BMPER: variants seen among roughly 807,000 people sequenced by gnomAD.
BMPER encodes the protein BMP-binding endothelial regulator protein.
In BMPER, 45 loss-of-function variants were observed where a neutral mutation model predicts 87.3. That is an observed-to-expected ratio of 0.52 (90% CI 0.41 to 0.66). The LOEUF (loss-of-function observed/expected upper bound fraction) is 0.66, where lower values mean the gene tolerates loss of function less well. Among genes scored for constraint, BMPER ranks in the 30% least tolerant of loss-of-function variants. BMPER has a pLI of 0.00. For synonymous variants in BMPER, 326 were observed against 316.2 expected (o/e 1.03, Z -0.33); for missense variants, 784 against 867.5 (o/e 0.90, Z 1.21).
At chr7:34,077,193 G>A (rs553950764) in intron 11 of BMPER, among the ~76,000 whole-genome samples, 16 of 152,258 alleles carry the variant, frequency 1.1e-4, no homozygotes, top group African/African-American at 3.9e-4. Flanking sequence ...AATGTTGGGG[G>A]AAATGTGGGA....
intron 13 of BMPER, among the ~76,000 whole-genome samples, chr7:34,102,242 T>G: frequency 6.6e-6 from 1 of 152,136 alleles, no homozygotes; most frequent in Non-Finnish European, 1.5e-5. Context: ...TCGGAGAAAT[T>G]AGACAACAGA....
At chr7:34,025,644 T>C (rs1021441763) in intron 6 of BMPER, among the ~76,000 whole-genome samples, 1 of 152,002 alleles carries the variant, frequency 6.6e-6, no homozygotes, top group Non-Finnish European at 1.5e-5. Flanking sequence ...AAGGAGTGAC[T>C]GAGGCAGAAA....
chr7:33,956,646 C>T (rs752897940), intron 3 of BMPER, among the ~76,000 whole-genome samples: 14 of 152,126 alleles, frequency 9.2e-5, no homozygotes, highest in Non-Finnish European at 1.6e-4. Flanking sequence ...CCTCCACCTA[C>T]GTTAATGTGA....
intron 7 of BMPER, among the ~76,000 whole-genome samples, chr7:34,049,667 C>A (rs1314995771): frequency 6.6e-6 from 1 of 152,016 alleles, no homozygotes; most frequent in Non-Finnish European, 1.5e-5. Flanking sequence ...TTATCTTCTG[C>A]CTTTTGCCAA....
intron 2 of BMPER, among the ~76,000 whole-genome samples, chr7:33,910,461 A>G (rs1783930396): frequency 6.6e-6 from 1 of 152,346 alleles, no homozygotes; most frequent in South Asian, 2.1e-4. Context: ...TGATCTTCTC[A>G]GCCTTTTCCA....
intron 3 of BMPER, among the ~76,000 whole-genome samples, chr7:33,953,659 TA>T (rs753524279): frequency 4.5e-4 from 68 of 152,304 alleles, no homozygotes; most frequent in Non-Finnish European, 8.7e-4. Context: ...ACATAAAATT[TA>T]CCATTTTGAT....
intron 13 of BMPER, among the ~76,000 whole-genome samples, chr7:34,129,832 C>G (rs1299701280): frequency 6.6e-6 from 1 of 152,282 alleles, no homozygotes; most frequent in East Asian, 1.9e-4. Context: ...CCTGGAAACA[C>G]TATTTGCAAA....
At chr7:34,140,850 C>G (rs1256949461) in intron 13 of BMPER, among the ~76,000 whole-genome samples, 1 of 152,190 alleles carries the variant, frequency 6.6e-6, no homozygotes, top group Non-Finnish European at 1.5e-5. Flanking sequence ...CACATTTCCT[C>G]ACACTGAGAC....
intron 13 of BMPER, among the ~76,000 whole-genome samples, chr7:34,106,638 C>T (rs906681792): frequency 1.3e-5 from 2 of 152,210 alleles, no homozygotes; most frequent in African/African-American, 4.8e-5. Context: ...CTGGTGAGTG[C>T]CACACGCAGG....
At chr7:34,020,899 C>T (rs1206837720) in intron 6 of BMPER, among the ~76,000 whole-genome samples, 1 of 151,730 alleles carries the variant, frequency 6.6e-6, no homozygotes, top group Non-Finnish European at 1.5e-5. Flanking sequence ...CACGCACGCA[C>T]ACACACATAT....
intron 14 of BMPER, among the ~76,000 whole-genome samples, chr7:34,147,771 T>G (rs960258338): frequency 1.3e-5 from 2 of 152,198 alleles, no homozygotes; most frequent in Admixed American, 1.3e-4. Context: ...CACCTGGCCA[T>G]GTTGTTTTTT....
At chr7:33,912,511 C>G (rs1399073716) in intron 2 of BMPER, among the ~76,000 whole-genome samples, 1 of 152,072 alleles carries the variant, frequency 6.6e-6, no homozygotes, top group East Asian at 1.9e-4. Context: ...GAAAGAGAGC[C>G]CTTCCCCAGA....
intron 13 of BMPER, among the ~76,000 whole-genome samples, chr7:34,087,498 T>G (rs1789246774): frequency 6.6e-6 from 1 of 152,210 alleles, no homozygotes. Flanking sequence ...ACCTAAGCTC[T>G]CTAAACCTCA....
rs760070803 is a variant in BMPER at position 33,905,564 on chromosome 7, G to A, written c.-50G>A. ...GACTGTGAGCTGCGGCAGCTGAGCA[G>A]AGGCGGCGGCGCGGGACCTGCAGTC... On this transcript the variant is annotated 5_prime_UTR_variant, in exon 1 of 15. Transcript: ENST00000649409. 1 of 1,603,052 alleles carries A rather than the reference G, an allele frequency of 6.2e-7. No individual in the cohort carries two copies. The highest frequency in any genetic ancestry group is 1.3e-5 in the African/African-American group (1 of 74,632).
chr7:34,062,577 G>T (rs34609650), intron 11 of BMPER, among the ~76,000 whole-genome samples: 2 of 151,584 alleles, frequency 1.3e-5, no homozygotes, highest in Non-Finnish European at 2.9e-5. Context: ...TATAGTCATG[G>T]GTCACTTAAC....
At chr7:34,083,371 G>C (rs887916490) in intron 12 of BMPER, among the ~76,000 whole-genome samples, 1 of 152,136 alleles carries the variant, frequency 6.6e-6, no homozygotes, top group South Asian at 2.1e-4. Flanking sequence ...ATTCCCCAAA[G>C]AGACTTTCCT....
intron 6 of BMPER, among the ~76,000 whole-genome samples, chr7:34,019,460 G>C (rs181927456): frequency 1.3e-5 from 2 of 151,968 alleles, no homozygotes; most frequent in African/African-American, 2.4e-5. Flanking sequence ...CCTCTGATCC[G>C]CATCATTTAT....
chr7:34,085,854 C>T lies in BMPER; in HGVS notation c.1507C>T (p.His503Tyr), dbSNP rs1789187267. 6.2e-7 allele frequency: 1 copy of T among 1,614,042 alleles called. No homozygotes were observed. The highest frequency in any genetic ancestry group is 8.5e-7 in the Non-Finnish European group (1 of 1,180,038). The change falls in exon 13 of 15, where the codon CAT becomes TAT. Residue 503 changes from histidine (H) to tyrosine (Y), a missense_variant. Coordinates refer to ENST00000649409, the MANE Select transcript of BMPER (RefSeq NM_001365308.1). Reference sequence around the variant, plus strand: ...TGGTCTTTGTGGCAACTACAATGGACATAAACGTGATGACTTAATTGGTGG... The same window carrying T: ...TGGTCTTTGTGGCAACTACAATGGATATAAACGTGATGACTTAATTGGTGG... Reference protein sequence around the residue: ...LCGLCGNYNGHKRDDLIGGDG... With the variant: ...LCGLCGNYNGYKRDDLIGGDG...
At position 34,153,198 on chromosome 7, in the gene BMPER, T is replaced by G; in HGVS notation, c.1983T>G (p.Ala661=). 1 of 1,614,110 alleles carries G rather than the reference T, an allele frequency of 6.2e-7. No individual in the cohort carries two copies. The highest frequency in any genetic ancestry group is 8.5e-7 in the Non-Finnish European group (1 of 1,179,990). Residue 661 remains alanine, a synonymous_variant, in exon 15 of 15, where the codon GCT becomes GCG. Coordinates refer to ENST00000649409, the MANE Select transcript of BMPER (RefSeq NM_001365308.1). The part of the protein sequence containing the change: ...EIGPCNKPCV[A]GCHCPANLVL... The stretch of plus-strand genomic sequence containing the variant: ...GTCCATGCAACAAGCCGTGCGTTGC[T>G]GGGTGCCACTGTCCAGCAAACTTGG...
Sources: allele counts gnomAD v4.1 joint callset (sites outside exome capture counted in the v4.1 genomes callset), GRCh38; gene constraint gnomAD v4.1.1; transcripts MANE v1.5; gene names NCBI Gene and HGNC (gene_info 2026-07-23, HGNC 2026-07-21).